Variants in MMP16 observed in about 807,000 individuals in gnomAD.
MMP16 encodes matrix metalloproteinase-16.
A neutral mutation model predicts 67.8 loss-of-function variants in MMP16; 12 were observed. The ratio of observed to expected loss-of-function variants is 0.18; its 90% CI spans 0.11 to 0.29. MMP16 has a LOEUF of 0.29. MMP16 is among the 10% of genes least tolerant of loss of function. The pLI, the probability that MMP16 is intolerant of heterozygous loss-of-function variation, is 1.00. For synonymous variants in MMP16, 249 were observed against 255.9 expected, an observed-to-expected ratio of 0.97 and a Z score of 0.26; for missense variants, 475 against 765.7, an observed-to-expected ratio of 0.62 and a Z score of 4.48.
intron 4 of MMP16, among the ~76,000 whole-genome samples, chr8:88,125,475 A>G (rs1384848938): frequency 1.3e-5 from 2 of 151,966 alleles, no homozygotes; most frequent in East Asian, 3.9e-4. Flanking sequence ...TAAGTGCCAA[A>G]CATTTATAGT....
chr8:88,048,891 T>C (rs1229328379), intron 8 of MMP16, among the ~76,000 whole-genome samples: 1 of 152,200 alleles, frequency 6.6e-6, no homozygotes, highest in Non-Finnish European at 1.5e-5. Context: ...GCCAGGCCTA[T>C]GGAGGATTCT....
At chr8:88,316,878 G>C (rs1811382552) in intron 1 of MMP16, among the ~76,000 whole-genome samples, 1 of 152,118 alleles carries the variant, frequency 6.6e-6, no homozygotes, top group African/African-American at 2.4e-5. Context: ...TGATTCATGG[G>C]GGGAGGTAAA....
At chr8:88,215,814 G>C (rs960648517) in intron 1 of MMP16, among the ~76,000 whole-genome samples, 2 of 152,100 alleles carry the variant, frequency 1.3e-5, no homozygotes, top group African/African-American at 2.4e-5. Context: ...ACACTTCAGA[G>C]TGTGCAGCCT....
intron 1 of MMP16, among the ~76,000 whole-genome samples, chr8:88,260,939 T>C (rs1810379386): frequency 6.6e-6 from 1 of 152,134 alleles, no homozygotes; most frequent in Non-Finnish European, 1.5e-5. Flanking sequence ...TTCTAATATA[T>C]TAATTTGCAA....
intron 6 of MMP16, among the ~76,000 whole-genome samples, chr8:88,080,592 C>T (rs1162689857): frequency 3.0e-4 from 46 of 152,010 alleles, no homozygotes; most frequent in Non-Finnish European, 1.9e-4. Context: ...TCTGCCACCA[C>T]GCCCAGCTAA....
At chr8:88,125,222 A>G (rs551729519) in intron 4 of MMP16, among the ~76,000 whole-genome samples, 1 of 151,618 alleles carries the variant, frequency 6.6e-6, no homozygotes, top group Non-Finnish European at 1.5e-5. Context: ...AGAAAAAAAA[A>G]CAGTATTGCT....
chr8:88,193,619 A>G (rs183559730), intron 2 of MMP16, among the ~76,000 whole-genome samples: 18 of 152,242 alleles, frequency 1.2e-4, no homozygotes, highest in African/African-American at 4.3e-4. Context: ...TAAATGGCAA[A>G]TGCTTGAGGT....
At chr8:88,064,454 G>T (rs954997705) in intron 7 of MMP16, among the ~76,000 whole-genome samples, 1 of 152,078 alleles carries the variant, frequency 6.6e-6, no homozygotes, top group Non-Finnish European at 1.5e-5. Context: ...ACTAGGGGGT[G>T]ACAGCTCTAC....
At chr8:88,169,708 G>T (rs1395299326) in intron 3 of MMP16, among the ~76,000 whole-genome samples, 2 of 152,194 alleles carry the variant, frequency 1.3e-5, no homozygotes. Context: ...GAAAGGCATT[G>T]AAGTGAAGAT....
intron 1 of MMP16, among the ~76,000 whole-genome samples, chr8:88,214,192 T>A (rs1358491552): frequency 6.6e-6 from 1 of 152,170 alleles, no homozygotes; most frequent in Non-Finnish European, 1.5e-5. Context: ...AACATTTACA[T>A]CCACGTCTCC....
At chr8:88,156,992 GCAGC>G (rs1477404376) in intron 4 of MMP16, among the ~76,000 whole-genome samples, 1 of 152,076 alleles carries the variant, frequency 6.6e-6, no homozygotes, top group Non-Finnish European at 1.5e-5. Context: ...ACATATTGTT[GCAGC>G]AGACATGGAC....
At chr8:88,221,913 G>T (rs946496410) in intron 1 of MMP16, among the ~76,000 whole-genome samples, 1 of 152,038 alleles carries the variant, frequency 6.6e-6, no homozygotes, top group Admixed American at 6.6e-5. Context: ...ATCAGTTCAT[G>T]AATTGTCTTC....
At chr8:88,164,178 AG>A (rs1193285872) in intron 4 of MMP16, among the ~76,000 whole-genome samples, 1 of 152,064 alleles carries the variant, frequency 6.6e-6, no homozygotes, top group Non-Finnish European at 1.5e-5. Context: ...ACTTATCAAG[AG>A]GCTCTTTCAT....
At chr8:88,126,960 T>G (rs1586164492) in intron 4 of MMP16, among the ~76,000 whole-genome samples, 1 of 151,866 alleles carries the variant, frequency 6.6e-6, no homozygotes, top group African/African-American at 2.4e-5. Flanking sequence ...CTGCGAGTAT[T>G]CCTGTAATCA....
At chr8:88,298,883 G>A (rs553482015) in intron 1 of MMP16, among the ~76,000 whole-genome samples, 1 of 151,764 alleles carries the variant, frequency 6.6e-6, no homozygotes. Context: ...TTCAATACCT[G>A]GTTATAATTA....
intron 1 of MMP16, among the ~76,000 whole-genome samples, chr8:88,268,455 T>A (rs1469142847): frequency 6.6e-6 from 1 of 152,236 alleles, no homozygotes; most frequent in Non-Finnish European, 1.5e-5. Context: ...AAGAAGAAGC[T>A]TCAAGGAATA....
At chr8:88,292,765 G>T (rs1033211211) in intron 1 of MMP16, among the ~76,000 whole-genome samples, 4 of 152,034 alleles carry the variant, frequency 2.6e-5, no homozygotes, top group Non-Finnish European at 5.9e-5. Flanking sequence ...ATATGCAACA[G>T]AAACACATGG....
intron 1 of MMP16, among the ~76,000 whole-genome samples, chr8:88,291,528 ACT>A (rs986143079): frequency 7.2e-5 from 11 of 152,178 alleles, no homozygotes; most frequent in African/African-American, 2.4e-4. Context: ...ATCATTGTTC[ACT>A]CTCTGCTTTC....
chr8:88,193,432 C>T (rs1809200994), intron 2 of MMP16, among the ~76,000 whole-genome samples: 1 of 151,834 alleles, frequency 6.6e-6, no homozygotes, highest in Non-Finnish European at 1.5e-5. Context: ...TTACTAGAGG[C>T]TGGGAAGGAT....
Sources: allele counts gnomAD v4.1 joint callset (sites outside exome capture counted in the v4.1 genomes callset), GRCh38; gene constraint gnomAD v4.1.1; transcripts MANE v1.5; gene names NCBI Gene and HGNC (gene_info 2026-07-23, HGNC 2026-07-21).